ADAMTS19: variants seen among roughly 807,000 people sequenced by gnomAD.
ADAMTS19 encodes the protein ADAM metallopeptidase with thrombospondin type 1 motif 19.
Under a neutral mutation model 153.3 loss-of-function variants are expected in ADAMTS19, and 93 were observed. That is an observed-to-expected ratio of 0.61 (90% CI 0.51 to 0.72). ADAMTS19 has a LOEUF of 0.72. Ranked by LOEUF, ADAMTS19 falls within the 30% of genes least tolerant of loss-of-function variation. The probability of loss-of-function intolerance (pLI) is 0.00; values close to 1 mark genes in which losing one functional copy is unlikely to be tolerated. For missense variants in ADAMTS19, 1,482 were observed against 1,552.1 expected, an observed-to-expected ratio of 0.95 and a Z score of 0.76; for synonymous variants, 600 against 556.6, an observed-to-expected ratio of 1.08 and a Z score of -1.10.
intron 16 of ADAMTS19, among the ~76,000 whole-genome samples, chr5:129,666,161 C>CTGTAT (rs1360689118): frequency 6.6e-6 from 1 of 151,548 alleles, no homozygotes; most frequent in African/African-American, 2.4e-5. Context: ...ATGAAAAGTA[C>CTGTAT]TGTATCAGTT....
At chr5:129,599,233 T>C (rs1225510287) in intron 8 of ADAMTS19, among the ~76,000 whole-genome samples, 1 of 152,158 alleles carries the variant, frequency 6.6e-6, no homozygotes, top group Non-Finnish European at 1.5e-5. Context: ...GAAAGGTATT[T>C]TCAGTTTAGT....
intron 10 of ADAMTS19, among the ~76,000 whole-genome samples, chr5:129,630,433 C>A (rs868128608): frequency 3.3e-5 from 5 of 152,080 alleles, no homozygotes; most frequent in African/African-American, 7.2e-5. Context: ...CAGTGGAACA[C>A]CATAGAGAGT....
At chr5:129,557,262 A>G (rs981605106) in intron 7 of ADAMTS19, among the ~76,000 whole-genome samples, 3 of 152,192 alleles carry the variant, frequency 2.0e-5, no homozygotes, top group Non-Finnish European at 4.4e-5. Flanking sequence ...AAAGAAGCCT[A>G]TCTCTTCTTT....
At chr5:129,487,072 G>A (rs1216706241) in intron 2 of ADAMTS19, among the ~76,000 whole-genome samples, 1 of 152,146 alleles carries the variant, frequency 6.6e-6, no homozygotes, top group Non-Finnish European at 1.5e-5. Context: ...AATGAGAAAT[G>A]TTTTCCAAGA....
intron 1 of ADAMTS19, 108 bp downstream of exon 1, chr5:129,460,590 A>G: frequency 8.2e-7 from 1 of 1,217,570 alleles, no homozygotes; most frequent in Non-Finnish European, 1.2e-6. Context: ...AGCAGGGCTC[A>G]GTGGGTAGCA....
intron 3 of ADAMTS19, among the ~76,000 whole-genome samples, chr5:129,524,320 G>T (rs534866217): frequency 1.3e-5 from 2 of 152,182 alleles, no homozygotes; most frequent in East Asian, 1.9e-4. Flanking sequence ...ATAGATTAAA[G>T]ACTTAAATGT....
chr5:129,489,621 T>C lies in ADAMTS19; in HGVS notation c.748-19456T>C, dbSNP rs1290547604. 2.0e-5 allele frequency among the ~76,000 whole-genome samples: 3 copies of C among 152,130 alleles called. No homozygotes were observed. The East Asian group carries it at 5.8e-4, about 29-fold the overall frequency. On this transcript the variant is annotated intron_variant, in intron 2 of 22. Transcript: ENST00000274487. ...CAATTTTTTAAAATGTTCATTACTA[T>C]TAGTAAGTTTGAGGGGGAAAAAGAC...
intron 11 of ADAMTS19, among the ~76,000 whole-genome samples, chr5:129,642,975 A>T (rs1174690778): frequency 6.6e-6 from 1 of 152,184 alleles, no homozygotes; most frequent in Non-Finnish European, 1.5e-5. Flanking sequence ...AACAATAAAA[A>T]TATTCATTAG....
intron 16 of ADAMTS19, among the ~76,000 whole-genome samples, chr5:129,673,009 T>C (rs927904401): frequency 8.5e-5 from 13 of 152,094 alleles, no homozygotes; most frequent in African/African-American, 3.1e-4. Context: ...TATTACCTTA[T>C]TATACTATAA....
chr5:129,491,254 C>T (rs897473247), intron 2 of ADAMTS19, among the ~76,000 whole-genome samples: 1 of 152,066 alleles, frequency 6.6e-6, no homozygotes, highest in Non-Finnish European at 1.5e-5. Flanking sequence ...CACTCACCTC[C>T]GCATCCCAAA....
At chr5:129,582,860 C>T (rs1227174476) in intron 7 of ADAMTS19, among the ~76,000 whole-genome samples, 1 of 151,984 alleles carries the variant, frequency 6.6e-6, no homozygotes, top group Non-Finnish European at 1.5e-5. Flanking sequence ...GTGTGAGCCA[C>T]CATGCCCGGC....
At chr5:129,542,243 T>C (rs1223140739) in intron 6 of ADAMTS19, among the ~76,000 whole-genome samples, 2 of 152,200 alleles carry the variant, frequency 1.3e-5, no homozygotes, top group East Asian at 3.9e-4. Flanking sequence ...GAGCCATTCA[T>C]ATTTTACTAT....
intron 19 of ADAMTS19, among the ~76,000 whole-genome samples, chr5:129,698,655 T>C (rs902917079): frequency 6.6e-6 from 1 of 152,220 alleles, no homozygotes. Flanking sequence ...CTCAAATTTT[T>C]ATTTTACTTA....
chr5:129,581,081 G>A (rs1201652682), intron 7 of ADAMTS19, among the ~76,000 whole-genome samples: 4 of 152,160 alleles, frequency 2.6e-5, no homozygotes, highest in Non-Finnish European at 5.9e-5. Flanking sequence ...TTTTAGGTTG[G>A]TAGGCTATTA....
rs1269640382 is a variant in ADAMTS19, at chr5:129,662,887, CATTTT to C, written c.2426-2611_2426-2607del. Among the ~76,000 whole-genome samples the C allele has an allele frequency of 2.7e-3, 335 of 125,410 alleles. 2 individuals are homozygous for C. Among genetic ancestry groups the C allele is most frequent in the African/African-American group, 0.011 (315 of 27,716 alleles). The allele number at this position is 125,410 out of a possible 152,430, so 82.3% of individuals were successfully genotyped here. A position where few individuals can be genotyped will look rare whatever the true frequency, so the allele number is the denominator to read the frequency against. On this transcript the variant is annotated intron_variant, in intron 15 of 22. Transcript: ENST00000274487. ...TCTCCTCCTTCTCATGATTCTTCTT[CATTTT>C]TTTTTTTTTTTTTTTTTTTTGAGAC...
At chr5:129,605,514 C>T (rs993351014) in intron 8 of ADAMTS19, among the ~76,000 whole-genome samples, 1 of 152,206 alleles carries the variant, frequency 6.6e-6, no homozygotes, top group Non-Finnish European at 1.5e-5. Flanking sequence ...TTCAGTGAGG[C>T]CTTTCTGATA....
intron 8 of ADAMTS19, among the ~76,000 whole-genome samples, chr5:129,614,450 AT>A (rs1751407045): frequency 2.0e-5 from 3 of 152,180 alleles, no homozygotes; most frequent in African/African-American, 4.8e-5. Flanking sequence ...GATTATCTCA[AT>A]AGATGCAGAA....
At chr5:129,646,769 G>T (rs1165756475) in intron 11 of ADAMTS19, among the ~76,000 whole-genome samples, 6 of 152,130 alleles carry the variant, frequency 3.9e-5, no homozygotes, top group African/African-American at 1.4e-4. Context: ...ATTAAGTGTA[G>T]AAGTTCATTT....
At chr5:129,622,552 T>C (rs1751828658) in intron 10 of ADAMTS19, among the ~76,000 whole-genome samples, 2 of 152,194 alleles carry the variant, frequency 1.3e-5, no homozygotes, top group African/African-American at 4.8e-5. Context: ...TCAAAGTGAA[T>C]AAAGAAAGAC....
Sources: gnomAD v4.1 joint callset for allele counts (sites outside exome capture counted in the v4.1 genomes callset) on GRCh38, gnomAD v4.1.1 for gene constraint, MANE v1.5 for transcripts, NCBI Gene and HGNC (gene_info 2026-07-23, HGNC 2026-07-21) for gene names.